The following GRM3 variants were observed in gnomAD, a reference collection of about 807,000 sequenced individuals.
The protein encoded by GRM3 is glutamate metabotropic receptor 3, also known as metabotropic glutamate receptor 3.
A neutral mutation model predicts 70.5 loss-of-function variants in GRM3; 26 were observed. The observed-to-expected ratio is 0.37, with a 90% confidence interval of 0.27 to 0.51. The LOEUF is 0.51. Ranked by LOEUF, GRM3 falls within the 20% of genes least tolerant of loss-of-function variation. The pLI is 0.93. For synonymous variants in GRM3, 443 were observed against 434.9 expected (o/e 1.02, Z -0.23); for missense variants, 859 against 1,123.8 (o/e 0.76, Z 3.37).
At chr7:86,679,117 G>A (rs950429656) in intron 1 of GRM3, among the ~76,000 whole-genome samples, 2 of 151,980 alleles carry the variant, frequency 1.3e-5, no homozygotes, top group Non-Finnish European at 2.9e-5. Context: ...CTTTTTCTCT[G>A]CAGTGATTTG....
At chr7:86,766,104 GCAACTCACAGGGCT>G (rs1036182471) in intron 2 of GRM3, among the ~76,000 whole-genome samples, 1 of 152,068 alleles carries the variant, frequency 6.6e-6, no homozygotes, top group African/African-American at 2.4e-5. Flanking sequence ...ATTAGCAAAA[GCAACTCACAGGGCT>G]CAATCCAGAG....
At chr7:86,802,031 G>A (rs893264196) in intron 3 of GRM3, among the ~76,000 whole-genome samples, 2 of 151,990 alleles carry the variant, frequency 1.3e-5, no homozygotes, top group Non-Finnish European at 2.9e-5. Context: ...AATCTGAAAG[G>A]AAAAGAAGAA....
rs1584284884 is a variant in GRM3 at position 86,860,612 on chromosome 7, CAA to C, written c.2567-3668_2567-3667del. Among the ~76,000 whole-genome samples, 4 of 152,256 alleles carry C rather than the reference CAA, an allele frequency of 2.6e-5. 1 individual carries two copies. Among genetic ancestry groups the C allele is most frequent in the African/African-American group, 9.6e-5 (4 of 41,550 alleles). ...CCTTGAATTTGTATTATCTTCCTCT[CAA>C]AGAGTTTAGACATAGGTTGCTCCTT... On this transcript the variant is annotated intron_variant, in intron 5 of 5. Transcript: ENST00000361669.
intron 2 of GRM3, among the ~76,000 whole-genome samples, chr7:86,770,325 G>A (rs568359734): frequency 1.3e-5 from 2 of 152,200 alleles, no homozygotes; most frequent in East Asian, 3.9e-4. Context: ...GCAGAAGAGA[G>A]CCTTGAAAGG....
chr7:86,755,228 G>C (rs1011357896), intron 1 of GRM3, among the ~76,000 whole-genome samples: 2 of 152,010 alleles, frequency 1.3e-5, no homozygotes, highest in African/African-American at 4.8e-5. Context: ...ATGCTAATCT[G>C]TCAGACCAAA....
At chr7:86,778,787 T>A (rs186935477) in intron 2 of GRM3, among the ~76,000 whole-genome samples, 2 of 152,290 alleles carry the variant, frequency 1.3e-5, no homozygotes, top group East Asian at 3.9e-4. Flanking sequence ...ACAGCTAATG[T>A]CATACTCAGT....
At chr7:86,654,813 T>A (rs1414658795) in intron 1 of GRM3, among the ~76,000 whole-genome samples, 2 of 152,234 alleles carry the variant, frequency 1.3e-5, no homozygotes, top group East Asian at 3.8e-4. Flanking sequence ...AATGAGTGCC[T>A]ACTGTGTGTT....
intron 3 of GRM3, among the ~76,000 whole-genome samples, chr7:86,805,234 T>C (rs1461656643): frequency 2.0e-5 from 3 of 152,246 alleles, no homozygotes; most frequent in African/African-American, 7.2e-5. Context: ...TTATGTGTTG[T>C]TCAATATATA....
At chr7:86,741,402 C>T (rs193104947) in intron 1 of GRM3, among the ~76,000 whole-genome samples, 2 of 152,304 alleles carry the variant, frequency 1.3e-5, no homozygotes, top group Non-Finnish European at 2.9e-5. Flanking sequence ...TAAGTTATTG[C>T]TCTCAGGTGG....
intron 1 of GRM3, among the ~76,000 whole-genome samples, chr7:86,751,038 T>C (rs560476638): frequency 2.0e-5 from 3 of 152,250 alleles, no homozygotes; most frequent in East Asian, 1.9e-4. Context: ...CACCTATTGA[T>C]ATTTTAATCT....
intron 2 of GRM3, chr7:86,776,144 T>C (rs1268554881): frequency 6.6e-6 from 1 of 152,222 alleles, no homozygotes; most frequent in Non-Finnish European, 1.5e-5. Context: ...CTATTGCTTC[T>C]TGAGCATTTA....
At chr7:86,661,330 C>A (rs1220574280) in intron 1 of GRM3, among the ~76,000 whole-genome samples, 1 of 151,982 alleles carries the variant, frequency 6.6e-6, no homozygotes, top group Non-Finnish European at 1.5e-5. Context: ...AAAATGTCTT[C>A]ATTTACTTTA....
chr7:86,709,844 G>C (rs1185676719), intron 1 of GRM3, among the ~76,000 whole-genome samples: 2 of 152,236 alleles, frequency 1.3e-5, no homozygotes, highest in Non-Finnish European at 2.9e-5. Flanking sequence ...AGACTTAGTA[G>C]ATGTAGTGAG....
At chr7:86,730,056 G>A (rs1017994769) in intron 1 of GRM3, among the ~76,000 whole-genome samples, 14 of 150,590 alleles carry the variant, frequency 9.3e-5, no homozygotes, top group South Asian at 4.2e-4. Flanking sequence ...GCAGTGAGCC[G>A]TGAGCCAAGA....
At chr7:86,779,976 AT>A (rs1278903317) in intron 2 of GRM3, among the ~76,000 whole-genome samples, 1 of 151,620 alleles carries the variant, frequency 6.6e-6, no homozygotes, top group African/African-American at 2.4e-5. Flanking sequence ...ACAAATACTA[AT>A]TTTTTTTGTC....
intron 3 of GRM3, among the ~76,000 whole-genome samples, chr7:86,792,093 G>T (rs1355935269): frequency 6.6e-6 from 1 of 152,158 alleles, no homozygotes. Context: ...AAGTCGAGAG[G>T]TCTATGAAAC....
intron 1 of GRM3, among the ~76,000 whole-genome samples, chr7:86,674,424 C>T (rs1469420292): frequency 1.3e-5 from 2 of 152,074 alleles, no homozygotes; most frequent in Non-Finnish European, 2.9e-5. Context: ...TACACCATCA[C>T]TTCATTTTAT....
At chr7:86,729,830 G>A (rs556359444) in intron 1 of GRM3, among the ~76,000 whole-genome samples, 17 of 152,184 alleles carry the variant, frequency 1.1e-4, no homozygotes, top group South Asian at 4.2e-4. Flanking sequence ...TAACTCGGCC[G>A]GGCGCAGTGG....
intron 3 of GRM3, among the ~76,000 whole-genome samples, chr7:86,796,221 T>A (rs1797547306): frequency 6.6e-6 from 1 of 152,218 alleles, no homozygotes; most frequent in African/African-American, 2.4e-5. Context: ...ATTTAATCCA[T>A]CTTGAGTTAA....
Sources: allele counts gnomAD v4.1 joint callset (sites outside exome capture counted in the v4.1 genomes callset), GRCh38; gene constraint gnomAD v4.1.1; transcripts MANE v1.5; gene names NCBI Gene and HGNC (gene_info 2026-07-23, HGNC 2026-07-21).